ATG7: variants seen among roughly 807,000 people sequenced by gnomAD.
The protein encoded by ATG7 is ubiquitin-like modifier-activating enzyme ATG7.
A neutral mutation model predicts 82.4 loss-of-function variants in ATG7; 70 were observed. The observed-to-expected ratio is 0.85, with a 90% confidence interval of 0.70 to 1.04. ATG7 has a LOEUF of 1.04. Among genes scored for constraint, ATG7 ranks in the 50% least tolerant of loss-of-function variants. ATG7 has a pLI of 0.00. For synonymous variants in ATG7, 287 were observed against 313.0 expected (o/e 0.92, Z 0.88); for missense variants, 792 against 864.3 (o/e 0.92, Z 1.05).
At chr3:11,539,518 CTAA>C (rs2070645968) in intron 20 of ATG7, among the ~76,000 whole-genome samples, 2 of 9,328 alleles carry the variant, frequency 2.1e-4, no homozygotes, top group South Asian at 0.022. Flanking sequence ...AATAAGACCT[CTAA>C]CTAAATGAGT....
intron 20 of ATG7, among the ~76,000 whole-genome samples, chr3:11,465,088 A>AGTGTGTGTGTGT (rs55999171): frequency 1.9e-4 from 28 of 147,420 alleles, no homozygotes; most frequent in African/African-American, 6.7e-4. Context: ...AAAAACCTAA[A>AGTGTGTGTGTGT]GTGTGTGTGT....
chr3:11,431,125 G>A (rs1448775018), intron 20 of ATG7, among the ~76,000 whole-genome samples: 1 of 152,224 alleles, frequency 6.6e-6, no homozygotes, highest in African/African-American at 2.4e-5. Flanking sequence ...TTTTGGCTGG[G>A]CGCAGTGGCT....
chr3:11,368,295 G>A (rs963076227), intron 18 of ATG7, among the ~76,000 whole-genome samples: 3 of 150,164 alleles, frequency 2.0e-5, no homozygotes, highest in African/African-American at 7.4e-5. Context: ...TTTCCCTCCC[G>A]GCTGGTGGCT....
At chr3:11,325,044 C>T (rs931408559) in intron 9 of ATG7, among the ~76,000 whole-genome samples, 1 of 152,188 alleles carries the variant, frequency 6.6e-6, no homozygotes, top group East Asian at 1.9e-4. Flanking sequence ...CATTGTGTTA[C>T]AGTTACCTAC....
At position 11,557,383 on chromosome 3, in the gene ATG7, T is replaced by C. The variant is rs919633744; in HGVS notation, c.*2540T>C. The C allele has an allele frequency of 5.2e-5, 8 of 152,760 alleles. No individual in the cohort carries two copies. Among genetic ancestry groups the C allele is most frequent in the Admixed American group, 1.3e-4 (2 of 15,276 alleles). The allele number at this position is 152,760 out of a possible 1,614,324, so 9.5% of individuals were successfully genotyped here. ...AGCCAAGAGAGTTCAAAGGGAGCAG[T>C]TTCTGCATGTAGGGAAGTTGGAAGA... On this transcript the variant is annotated 3_prime_UTR_variant, in exon 21 of 21. Coordinates refer to ENST00000693202, the MANE Select transcript of ATG7 (RefSeq NM_001349232.2).
intron 18 of ATG7, among the ~76,000 whole-genome samples, chr3:11,374,737 C>T (rs967493916): frequency 2.0e-5 from 3 of 151,834 alleles, no homozygotes; most frequent in East Asian, 1.9e-4. Flanking sequence ...AACCCTGTCT[C>T]GACTAAAATT....
intron 11 of ATG7, among the ~76,000 whole-genome samples, chr3:11,340,340 A>G (rs77206639): frequency 0.038 from 5,748 of 152,012 alleles, 118 homozygotes; most frequent in African/African-American, 0.05. Flanking sequence ...ACTTCCAATA[A>G]CAGTGAAAGT....
intron 19 of ATG7, among the ~76,000 whole-genome samples, chr3:11,384,040 C>A (rs1014515063): frequency 1.8e-4 from 27 of 152,142 alleles, no homozygotes; most frequent in African/African-American, 6.3e-4. Flanking sequence ...CCAGTCAATT[C>A]TGGGGGAAGG....
chr3:11,339,333 C>T lies in ATG7; in HGVS notation c.890-1312C>T, dbSNP rs1302254955. Among the ~76,000 whole-genome samples, 4 of 148,942 alleles carry T rather than the reference C, an allele frequency of 2.7e-5. No homozygotes were observed. The South Asian group carries it at 6.4e-4, about 24-fold the overall frequency. ...AAAAAAGAAAAGAAAAGAAAACCAG[C>T]GTATAATTAGAAACAAAATTAAAAT... On this transcript the variant is annotated intron_variant, in intron 11 of 20. Transcript: ENST00000693202.
intron 20 of ATG7, among the ~76,000 whole-genome samples, chr3:11,527,572 G>C (rs980197538): frequency 1.3e-5 from 2 of 152,170 alleles, no homozygotes; most frequent in African/African-American, 4.8e-5. Flanking sequence ...TCAATTATCA[G>C]TATTATCAGG....
At chr3:11,454,371 C>T (rs146082798) in intron 20 of ATG7, among the ~76,000 whole-genome samples, 109 of 152,272 alleles carry the variant, frequency 7.2e-4, no homozygotes, top group African/African-American at 2.6e-3. Flanking sequence ...CCAATCTTAA[C>T]CAATGAGGTA....
the ATG7 span, among the ~76,000 whole-genome samples, chr3:11,567,943 G>A: frequency 1.3e-5 from 2 of 152,212 alleles, no homozygotes; most frequent in Non-Finnish European, 2.9e-5. Flanking sequence ...CCAGATTCAG[G>A]AGAGCCTCAG....
chr3:11,519,163 A>G (rs2092365788), intron 20 of ATG7, among the ~76,000 whole-genome samples: 1 of 152,160 alleles, frequency 6.6e-6, no homozygotes, highest in Non-Finnish European at 1.5e-5. Context: ...AGCTGACTTT[A>G]TCTTTAAAAA....
chr3:11,322,109 G>A (rs1950294416), intron 9 of ATG7, among the ~76,000 whole-genome samples: 1 of 152,136 alleles, frequency 6.6e-6, no homozygotes, highest in Non-Finnish European at 1.5e-5. Context: ...TCACTTCTTG[G>A]GTGATGTATG....
Position 11,278,905 on chromosome 3 carries a change from C to T in ATG7, c.-365-2089C>T, listed in dbSNP as rs545496124. Among the ~76,000 whole-genome samples the T allele has an allele frequency of 3.9e-5, 6 of 152,280 alleles. No individual in the cohort carries two copies. In the South Asian group the frequency reaches 1.2e-3, roughly 32 times the overall value. ...TGAGGGAGTCAGGGAAGGCTTCCCT[C>T]AGAAGTGATGATTGAGCTGTGATTT... On this transcript the variant is annotated intron_variant, in intron 1 of 20. Coordinates refer to ENST00000693202, the MANE Select transcript of ATG7 (RefSeq NM_001349232.2).
intron 20 of ATG7, among the ~76,000 whole-genome samples, chr3:11,496,747 G>A (rs1354732083): frequency 2.0e-5 from 3 of 152,180 alleles, no homozygotes; most frequent in Non-Finnish European, 4.4e-5. Flanking sequence ...TCTGTGGGAT[G>A]TATTATCATA....
chr3:11,280,133 G>C (rs568477605), intron 1 of ATG7, among the ~76,000 whole-genome samples: 2 of 151,550 alleles, frequency 1.3e-5, no homozygotes, highest in Non-Finnish European at 2.9e-5. Context: ...TGCAACCTGC[G>C]CCTCCCGGGT....
At chr3:11,452,108 G>C (rs917754339) in intron 20 of ATG7, among the ~76,000 whole-genome samples, 1 of 151,988 alleles carries the variant, frequency 6.6e-6, no homozygotes, top group African/African-American at 2.4e-5. Flanking sequence ...CTGGAGCCAG[G>C]TGTGGTGCCT....
chr3:11,310,617 G>A (rs1007803831), intron 7 of ATG7, among the ~76,000 whole-genome samples: 47 of 151,218 alleles, frequency 3.1e-4, no homozygotes, highest in South Asian at 6.2e-4. Flanking sequence ...CTGTCTATAC[G>A]TTTGGGTAAT....
Sources: allele counts gnomAD v4.1 joint callset (sites outside exome capture counted in the v4.1 genomes callset), GRCh38; gene constraint gnomAD v4.1.1; transcripts MANE v1.5; gene names NCBI Gene and HGNC (gene_info 2026-07-23, HGNC 2026-07-21).